SRRM4: variants seen among roughly 807,000 people sequenced by gnomAD.
SRRM4 encodes the protein serine/arginine repetitive matrix protein 4.
A neutral mutation model predicts 68.9 loss-of-function variants in SRRM4; 33 were observed. That is an observed-to-expected ratio of 0.48 (90% CI 0.36 to 0.64). SRRM4 has a LOEUF of 0.64. Among genes scored for constraint, SRRM4 ranks in the 30% least tolerant of loss-of-function variants. The pLI is 0.00. For synonymous variants in SRRM4, 318 were observed against 318.8 expected, an observed-to-expected ratio of 1.00 and a Z score of 0.03; for missense variants, 817 against 827.1, an observed-to-expected ratio of 0.99 and a Z score of 0.15.
chr12:119,138,998 C>T lies in SRRM4; in HGVS notation c.772-6383C>T, dbSNP rs571169204. Among the ~76,000 whole-genome samples, 10 of 152,276 alleles carry T rather than the reference C, an allele frequency of 6.6e-5. No homozygotes were observed. In the South Asian group the frequency reaches 2.1e-3, roughly 32 times the overall value. ...GCATTATTACCAGATGACAGAGGAT[C>T]TGGAGTGGCTCTTGCTAATAAGTAT... is the stretch of plus-strand genomic sequence containing the variant. On this transcript the variant is annotated intron_variant, in intron 8 of 12. Coordinates refer to ENST00000267260, the MANE Select transcript of SRRM4 (RefSeq NM_194286.4).
Position 119,151,100 on chromosome 12 carries a change from A to G in SRRM4, c.1160A>G (p.Lys387Arg). 6.2e-7 allele frequency: 1 copy of G among 1,613,952 alleles called. No individual in the cohort carries two copies. Among genetic ancestry groups the G allele is most frequent in the Non-Finnish European group, 8.5e-7 (1 of 1,179,880 alleles). Residue 387 changes from lysine to arginine, a missense_variant, in exon 10 of 13, where the codon AAA (lysine) becomes AGA (arginine). Lys to Arg is a conservative substitution (Grantham distance 26). Transcript: ENST00000267260. ...TCCACAGCCCGGAGCTCACCCATGAAAGGGTGTTCCCGCAGCTCCTCCTAT... is the reference window on the plus strand; with the variant it reads ...TCCACAGCCCGGAGCTCACCCATGAGAGGGTGTTCCCGCAGCTCCTCCTAT... ...VPSTARSSPMKGCSRSSSYAS... is the reference protein window; with the variant it reads ...VPSTARSSPMRGCSRSSSYAS...
intron 1 of SRRM4, among the ~76,000 whole-genome samples, chr12:118,992,766 C>T (rs950509876): frequency 1.3e-5 from 2 of 152,120 alleles, no homozygotes; most frequent in Non-Finnish European, 2.9e-5. Flanking sequence ...CAAATATAGC[C>T]TCTTCATTTG....
At chr12:119,125,078 T>C (rs1398549910) in intron 6 of SRRM4, among the ~76,000 whole-genome samples, 2 of 152,004 alleles carry the variant, frequency 1.3e-5, no homozygotes, top group African/African-American at 4.8e-5. Flanking sequence ...AGAGGAGACA[T>C]GGGGAAGTGA....
At chr12:119,019,535 A>G (rs1327942439) in intron 1 of SRRM4, among the ~76,000 whole-genome samples, 3 of 152,120 alleles carry the variant, frequency 2.0e-5, no homozygotes, top group Non-Finnish European at 2.9e-5. Context: ...ACCTCAGACA[A>G]CAGCAGTTCC....
At chr12:119,136,780 A>G (rs1954331466) in intron 8 of SRRM4, among the ~76,000 whole-genome samples, 1 of 152,054 alleles carries the variant, frequency 6.6e-6, no homozygotes, top group South Asian at 2.1e-4. Context: ...TCCTCAGGAG[A>G]GGCTTCAAAG....
At chr12:119,093,236 G>C (rs183479365) in intron 1 of SRRM4, among the ~76,000 whole-genome samples, 12 of 152,188 alleles carry the variant, frequency 7.9e-5, no homozygotes, top group African/African-American at 2.9e-4. Context: ...TACAATGTGA[G>C]CTCCACCAAG....
At chr12:119,106,515 G>A (rs1224161884) in intron 2 of SRRM4, among the ~76,000 whole-genome samples, 1 of 151,980 alleles carries the variant, frequency 6.6e-6, no homozygotes, top group Non-Finnish European at 1.5e-5. Flanking sequence ...TCCTTGAAGA[G>A]GTCCTTCACA....
chr12:119,120,129 T>A, intron 4 of SRRM4, 121 bp from the exon 5 acceptor site: 10 of 511,396 alleles, frequency 2.0e-5, no homozygotes, highest in East Asian at 4.2e-5. Flanking sequence ...CATCCCTCCC[T>A]TTCTTCCTTC....
At chr12:118,987,561 T>C (rs576868863) in intron 1 of SRRM4, among the ~76,000 whole-genome samples, 1 of 152,312 alleles carries the variant, frequency 6.6e-6, no homozygotes, top group African/African-American at 2.4e-5. Context: ...TGGTTGCAAA[T>C]GCTTACGGGC....
intron 1 of SRRM4, among the ~76,000 whole-genome samples, chr12:119,055,043 C>T (rs1953767810): frequency 6.6e-6 from 1 of 152,118 alleles, no homozygotes; most frequent in Admixed American, 6.5e-5. Context: ...GCCACCTCTG[C>T]TTGCATCAGA....
At chr12:119,053,066 A>C (rs1953754965) in intron 1 of SRRM4, among the ~76,000 whole-genome samples, 1 of 152,160 alleles carries the variant, frequency 6.6e-6, no homozygotes, top group African/African-American at 2.4e-5. Context: ...CAATTGTCAG[A>C]GAGTTGTCTC....
intron 2 of SRRM4, among the ~76,000 whole-genome samples, chr12:119,104,824 A>AT (rs1202572845): frequency 1.3e-5 from 2 of 150,798 alleles, no homozygotes; most frequent in East Asian, 3.9e-4. Context: ...TTTTTTTTTA[A>AT]TTTTTTTTGT....
At position 119,076,012 on chromosome 12, in the gene SRRM4, G is replaced by A. The variant is rs533783228; in HGVS notation, c.132-26224G>A. Among the ~76,000 whole-genome samples the A allele has an allele frequency of 6.4e-3, 975 of 151,202 alleles. 9 individuals are homozygous for A. The highest frequency in any genetic ancestry group is 9.7e-3 in the Non-Finnish European group (655 of 67,780). The stretch of plus-strand genomic sequence containing the variant: ...TGCTGATGATGGTGGTGATGGTGGC[G>A]ATGATGATGATGGTGGTGATGGTGA... On this transcript the variant is annotated intron_variant, in intron 1 of 12. Transcript: ENST00000267260.
intron 2 of SRRM4, among the ~76,000 whole-genome samples, chr12:119,113,456 T>A (rs1034376759): frequency 2.0e-5 from 3 of 152,162 alleles, no homozygotes; most frequent in Admixed American, 1.3e-4. Flanking sequence ...GTCATACCAT[T>A]CTCAAAGTGT....
In SRRM4 at chr12:118,990,851, G is replaced by A. The variant is rs141304844; in HGVS notation, c.131+8838G>A. On this transcript the variant is annotated intron_variant, in intron 1 of 12. Transcript: ENST00000267260. ...TGTTTTTGTTTTGAGATGGAGTCTC[G>A]CTCTGTCACCCAGGCTGGAGTGCAG... Among the ~76,000 whole-genome samples the A allele has an allele frequency of 7.1e-3, 1,087 of 152,086 alleles. 6 individuals are homozygous for A. Among genetic ancestry groups the A allele is most frequent in the Non-Finnish European group, 0.011 (725 of 67,998 alleles).
chr12:119,125,615 T>G, intron 7 of SRRM4, 136 bp downstream of exon 7: 1 of 701,326 alleles, frequency 1.4e-6, no homozygotes, highest in Non-Finnish European at 2.3e-6. Flanking sequence ...CTGGCACCAC[T>G]TCCCTGTAGA....
intron 1 of SRRM4, among the ~76,000 whole-genome samples, chr12:119,101,786 C>T (rs535930233): frequency 8.6e-5 from 13 of 152,006 alleles, no homozygotes; most frequent in Non-Finnish European, 1.5e-4. Flanking sequence ...CATGCTTTGG[C>T]CTCCCATTAT....
At chr12:119,049,761 C>T (rs1463524463) in intron 1 of SRRM4, among the ~76,000 whole-genome samples, 2 of 152,166 alleles carry the variant, frequency 1.3e-5, no homozygotes, top group African/African-American at 2.4e-5. Flanking sequence ...TTGGTTTCTT[C>T]TGAGGTCTCT....
In SRRM4 at chr12:118,981,672, G is replaced by A. The variant is rs1876274318; in HGVS notation, c.-211G>A. The A allele has an allele frequency of 3.5e-6, 2 of 573,840 alleles. No homozygotes were observed. Among genetic ancestry groups the A allele is most frequent in the Admixed American group, 3.3e-5 (1 of 30,132 alleles). The allele number at this position is 573,840 out of a possible 1,614,324, so 35.5% of individuals were successfully genotyped here. A position where few individuals can be genotyped will look rare whatever the true frequency, so the allele number is the denominator to read the frequency against. On this transcript the variant is annotated 5_prime_UTR_variant, in exon 1 of 13. Transcript: ENST00000267260. ...CGCAGCCTGGAGCCGACCCAGAAGG[G>A]CGAAGAAAGCCCAGCGGACGAGCCT...
Sources: allele counts gnomAD v4.1 joint callset (sites outside exome capture counted in the v4.1 genomes callset), GRCh38; gene constraint gnomAD v4.1.1; transcripts MANE v1.5; gene names NCBI Gene and HGNC (gene_info 2026-07-23, HGNC 2026-07-21).